CCDC137: variants seen among roughly 807,000 people sequenced by gnomAD.
CCDC137 encodes coiled-coil domain containing 137, also known as coiled-coil domain-containing protein 137.
A neutral mutation model predicts 30.4 loss-of-function variants in CCDC137; 24 were observed. The observed-to-expected ratio is 0.79, with a 90% CI of 0.57 to 1.11. CCDC137 has a LOEUF of 1.11. Among genes scored for constraint, CCDC137 ranks in the 50% least tolerant of loss-of-function variants. The pLI, the probability that CCDC137 is intolerant of heterozygous loss-of-function variation, is 0.00. For missense variants in CCDC137, 417 were observed against 380.4 expected, an observed-to-expected ratio of 1.10 and a Z score of -0.80; for synonymous variants, 182 against 155.7, an observed-to-expected ratio of 1.17 and a Z score of -1.26.
chr17:81,667,549 G>C (rs1022385920), intron 1 of CCDC137, among the ~76,000 whole-genome samples, 180 bp from the exon 2 acceptor site: 2 of 152,002 alleles, frequency 1.3e-5, no homozygotes, highest in African/African-American at 4.8e-5. Flanking sequence ...GGATGGTCTC[G>C]ATCTCCTGAC....
rs2036722272 is a variant in CCDC137 at position 81,671,804 on chromosome 17, G to C, written c.558G>C (p.Arg186Ser). Residue 186 changes from arginine to serine, a missense_variant, in exon 4 of 6, where the codon AGG becomes AGC. Arg to Ser is a moderately radical substitution (Grantham distance 110). Coordinates refer to ENST00000329214, the MANE Select transcript of CCDC137 (RefSeq NM_199287.3). ...RRKKEEKAAD[R>S]LEQELLRDTV... ...AAAAGGAGGAAAAGGCGGCAGACAG[G>C]CTGGAGCAGGAGTTGCTCCGAGGTA... 2 of 1,613,380 alleles carry C rather than the reference G, an allele frequency of 1.2e-6. No homozygotes were observed. The highest frequency in any genetic ancestry group is 2.7e-5 in the African/African-American group (2 of 74,650).
chr17:81,672,764 C>A lies in CCDC137; in HGVS notation c.*60C>A. 1 of 1,453,852 alleles carries A rather than the reference C, an allele frequency of 6.9e-7. No individual in the cohort carries two copies. Among genetic ancestry groups the A allele is most frequent in the Non-Finnish European group, 9.2e-7 (1 of 1,082,428 alleles). The allele number at this position is 1,453,852 out of a possible 1,614,324, so 90.1% of individuals were successfully genotyped here. ...GCAACTGGCACCAGGAGCTGCTACA[C>A]CTGGGTAGGAGAGAGGCAGGCCATG... On this transcript the variant is annotated 3_prime_UTR_variant, in exon 6 of 6. Transcript: ENST00000329214.
chr17:81,670,238 C>T lies in CCDC137; in HGVS notation c.282C>T (p.Phe94=). ...CTTTGTCCTCAGCCCAGGTGACCTT[C>T]AGAAAGACATTGGAGAAGGAAGCAA... ...KKRKKAAQVT[F]RKTLEKEAKG... is the part of the protein sequence containing the mutation. The change falls in exon 3 of 6, where the codon TTC becomes TTT. Residue 94 remains phenylalanine, a synonymous_variant. Transcript: ENST00000329214. The T allele has an allele frequency of 6.2e-7, 1 of 1,613,846 alleles. No individual in the cohort carries two copies. Among genetic ancestry groups the T allele is most frequent in the Non-Finnish European group, 8.5e-7 (1 of 1,179,956 alleles).
At position 81,670,404 on chromosome 17, in the gene CCDC137, G is replaced by A; in HGVS notation, c.448G>A (p.Val150Met). ...GAACCAGGCCATCCGGCAGCCAGAG[G>A]TGCAGGCAGCTCCCAAGGAGAAGTC... ...SKNQAIRQPE[V>M]QAAPKEKSEQ... The change falls in exon 3 of 6, where the codon GTG becomes ATG. Residue 150 changes from valine (V) to methionine (M), a missense_variant. Transcript: ENST00000329214. 1.2e-6 allele frequency: 2 copies of A among 1,613,886 alleles called. No homozygotes were observed. Among genetic ancestry groups the A allele is most frequent in the Non-Finnish European group, 1.7e-6 (2 of 1,180,034 alleles).
At position 81,670,546 on chromosome 17, in the gene CCDC137, A is replaced by G. The variant is rs548789959; in HGVS notation, c.497+93A>G. 25 of 1,116,426 alleles carry G rather than the reference A, an allele frequency of 2.2e-5. No individual in the cohort carries two copies. In the African/African-American group the frequency reaches 2.6e-4, roughly 12 times the overall value. 69.2% of individuals were successfully genotyped at this position (1,116,426 alleles called of 1,614,324 possible). On this transcript the variant is annotated intron_variant, in intron 3 of 5. Coordinates refer to ENST00000329214, the MANE Select transcript of CCDC137 (RefSeq NM_199287.3). ...CGGCCCTCTGCAGGTACCCTGTTTC[A>G]TAGCCATGGGGCAGCCTGGATTCAG...
Position 81,672,859 on chromosome 17 carries a change from G to A in CCDC137, c.*155G>A. ...GGCACTAGTGGGTCCACATCTTGCA[G>A]GGGGTGAGTGCCCGATGGACTAGGG... On this transcript the variant is annotated 3_prime_UTR_variant, in exon 6 of 6. Transcript: ENST00000329214. 2.8e-6 allele frequency: 2 copies of A among 711,998 alleles called. No homozygotes were observed. The highest frequency in any genetic ancestry group is 4.5e-6 in the Non-Finnish European group (2 of 439,652). 44.1% of individuals were successfully genotyped at this position (711,998 alleles called of 1,614,324 possible).
chr17:81,671,237 G>C (rs2036716592), intron 3 of CCDC137, among the ~76,000 whole-genome samples: 1 of 152,212 alleles, frequency 6.6e-6, no homozygotes, highest in Non-Finnish European at 1.5e-5. Flanking sequence ...ACCTTAGCCA[G>C]TGAAAGTTCA....
chr17:81,672,786 C>CTCTGGGT lies in CCDC137; in HGVS notation c.*82_*83insTCTGGGT. On this transcript the variant is annotated 3_prime_UTR_variant, in exon 6 of 6. Transcript: ENST00000329214. ...ACACCTGGGTAGGAGAGAGGCAGGC[C>CTCTGGGT]ATGCCAGCAGTGTGGGGTGAGGCCT... is the stretch of plus-strand genomic sequence containing the variant. 3 of 1,340,682 alleles carry CTCTGGGT rather than the reference C, an allele frequency of 2.2e-6. No individual in the cohort carries two copies. Among genetic ancestry groups the CTCTGGGT allele is most frequent in the Non-Finnish European group, 3.0e-6 (3 of 992,700 alleles). 83.0% of individuals were successfully genotyped at this position (1,340,682 alleles called of 1,614,324 possible). A position where few individuals can be genotyped will look rare whatever the true frequency, so the allele number is the denominator to read the frequency against.
rs1232831915 is a variant in CCDC137, at chr17:81,670,410, G to T, written c.454G>T (p.Ala152Ser). ...GGCCATCCGGCAGCCAGAGGTGCAGGCAGCTCCCAAGGAGAAGTCTGAGCA... is the reference window on the plus strand; with the variant it reads ...GGCCATCCGGCAGCCAGAGGTGCAGTCAGCTCCCAAGGAGAAGTCTGAGCA... ...NQAIRQPEVQ[A>S]APKEKSEQKK... is the part of the protein sequence containing the mutation. The change falls in exon 3 of 6, where the codon GCA becomes TCA. Residue 152 changes from alanine (A) to serine (S), a missense_variant. By Grantham distance (99) the Ala-to-Ser change is moderately conservative. Coordinates refer to ENST00000329214, the MANE Select transcript of CCDC137 (RefSeq NM_199287.3). 1 of 1,613,850 alleles carries T rather than the reference G, an allele frequency of 6.2e-7. No homozygotes were observed. Among genetic ancestry groups the T allele is most frequent in the East Asian group, 2.2e-5 (1 of 44,884 alleles).
intron 2 of CCDC137, among the ~76,000 whole-genome samples, chr17:81,668,882 GTT>G (rs35131889): frequency 0.24 from 32,263 of 136,064 alleles, 3,902 homozygotes; most frequent in African/African-American, 0.35. Flanking sequence ...TTTGTGTGTG[GTT>G]TTTTTTTTTT....
intron 5 of CCDC137, 77 bp downstream of exon 5, chr17:81,672,232 CGGTG>C: frequency 7.0e-7 from 1 of 1,435,496 alleles, no homozygotes; most frequent in South Asian, 1.2e-5. Flanking sequence ...AGGCTGGACA[CGGTG>C]GGTCACACCT....
chr17:81,672,428 C>T, intron 5 of CCDC137, 67 bp from the exon 6 acceptor site: 1 of 1,437,522 alleles, frequency 7.0e-7, no homozygotes, highest in South Asian at 1.3e-5. Flanking sequence ...GCTGTTGAAG[C>T]TGTGAGGCTT....
In CCDC137 at chr17:81,671,824, G is replaced by A. The variant is rs763062847; in HGVS notation, c.578G>A (p.Arg193Gln). ...GACAGGCTGGAGCAGGAGTTGCTCC[G>A]AGGTAGCTCTTCCCAAAGCGATGGT... ...AADRLEQELL[R>Q]DTVKFGEVVL... Residue 193 changes from arginine to glutamine, a missense_variant and splice_region_variant, in exon 4 of 6, where the codon CGA becomes CAA. Transcript: ENST00000329214. 6 of 1,613,298 alleles carry A rather than the reference G, an allele frequency of 3.7e-6. No homozygotes were observed. Among genetic ancestry groups the A allele is most frequent in the East Asian group, 4.5e-5 (2 of 44,852 alleles).
At chr17:81,667,997 C>T (rs1171514229) in intron 2 of CCDC137, 135 bp downstream of exon 2, 4 of 1,122,836 alleles carry the variant, frequency 3.6e-6, no homozygotes, top group Non-Finnish European at 4.9e-6. Flanking sequence ...GGAGCGTGGC[C>T]AAAGCTAAAG....
intron 2 of CCDC137, 106 bp downstream of exon 2, chr17:81,667,968 C>G: frequency 1.5e-6 from 2 of 1,377,354 alleles, no homozygotes; most frequent in South Asian, 2.8e-5. Context: ...ATGCCAAGAC[C>G]CGGTGCTCAG....
intron 2 of CCDC137, among the ~76,000 whole-genome samples, chr17:81,669,316 T>C (rs959476827): frequency 6.6e-6 from 1 of 151,732 alleles, no homozygotes; most frequent in Admixed American, 6.6e-5. Flanking sequence ...CGGCTCGTTT[T>C]TGTATTTTTA....
At chr17:81,667,319 C>CTTTT (rs913039751) in intron 1 of CCDC137, among the ~76,000 whole-genome samples, 6 of 125,636 alleles carry the variant, frequency 4.8e-5, no homozygotes, top group Non-Finnish European at 8.3e-5. Flanking sequence ...TAGATAGATT[C>CTTTT]TTTTTTTTTT....
At position 81,667,779 on chromosome 17, in the gene CCDC137, A is replaced by C; in HGVS notation, c.185A>C (p.Glu62Ala). 1 of 1,613,568 alleles carries C rather than the reference A, an allele frequency of 6.2e-7. No homozygotes were observed. Among genetic ancestry groups the C allele is most frequent in the Non-Finnish European group, 8.5e-7 (1 of 1,180,008 alleles). Residue 62 changes from glutamate (E) to alanine (A), a missense_variant, in exon 2 of 6, where the codon GAG becomes GCG. Glu to Ala is a moderately radical substitution (Grantham distance 107). Coordinates refer to ENST00000329214, the MANE Select transcript of CCDC137 (RefSeq NM_199287.3). ...AAGCCCAAGAACCAGGACGAACAGG[A>C]GATTCCTTTCCGGCTCCGGGAGATT... ...NCKPKNQDEQEIPFRLREIMR... is the reference protein window; with the variant it reads ...NCKPKNQDEQAIPFRLREIMR...
rs534063130 is a variant in CCDC137 at position 81,667,059 on chromosome 17, G to T, written c.134+159G>T. Reference sequence around the variant, plus strand: ...GTGCCCGCGGCCCACGCTCCGCCAGGATCGGTTGAATGAATGGAGGCGCGA... The same window carrying T: ...GTGCCCGCGGCCCACGCTCCGCCAGTATCGGTTGAATGAATGGAGGCGCGA... On this transcript the variant is annotated intron_variant, in intron 1 of 5. Transcript: ENST00000329214. 287 of 782,044 alleles carry T rather than the reference G, an allele frequency of 3.7e-4. 1 individual carries two copies. In the African/African-American group the frequency reaches 4.8e-3, roughly 13 times the overall value. 48.4% of individuals were successfully genotyped at this position (782,044 alleles called of 1,614,324 possible).
Sources: gnomAD v4.1 joint callset for allele counts (sites outside exome capture counted in the v4.1 genomes callset) on GRCh38, gnomAD v4.1.1 for gene constraint, MANE v1.5 for transcripts, NCBI Gene and HGNC (gene_info 2026-07-23, HGNC 2026-07-21) for gene names.